CIB1: variants seen among roughly 807,000 people sequenced by gnomAD.
CIB1 encodes the protein calcium and integrin binding 1, also known as calcium and integrin-binding protein 1.
In CIB1, 19 loss-of-function variants were observed where a neutral mutation model predicts 25.0. The observed-to-expected ratio is 0.76, with a 90% CI of 0.53 to 1.12. The LOEUF (loss-of-function observed/expected upper bound fraction) is 1.12. Among genes scored for constraint, CIB1 ranks in the 50% most tolerant of loss-of-function variants. CIB1 has a pLI of 0.00. For synonymous variants in CIB1, 104 were observed against 98.5 expected (o/e 1.06, Z -0.33); for missense variants, 236 against 242.6 (o/e 0.97, Z 0.18).
At chr15:90,250,748 C>G in the CIB1 span, 1 of 1,614,160 alleles carries the variant, frequency 6.2e-7, no homozygotes, top group South Asian at 1.1e-5. Flanking sequence ...ACAGCAGGCT[C>G]TCTTAAAAGC....
At chr15:90,241,775 G>A in the CIB1 span, 2 of 1,614,216 alleles carry the variant, frequency 1.2e-6, no homozygotes, top group Non-Finnish European at 1.7e-6. Context: ...CTCATAACTT[G>A]TTTGTCACCC....
chr15:90,261,380 CTTT>C, the CIB1 span, among the ~76,000 whole-genome samples: 1 of 141,390 alleles, frequency 7.1e-6, no homozygotes. Context: ...TGCCCGGCCA[CTTT>C]TTTTTTTTTT....
chr15:90,265,030 A>C, the CIB1 span: 1 of 1,469,862 alleles, frequency 6.8e-7, no homozygotes, highest in Non-Finnish European at 9.0e-7. Context: ...AGGGCATTAA[A>C]TCTTTGCTAA....
the CIB1 span, chr15:90,262,978 C>G: frequency 4.6e-6 from 7 of 1,535,772 alleles, 1 homozygote; most frequent in South Asian, 7.1e-5. Context: ...GCTGCCGGGA[C>G]AGCTGGACAC....
the CIB1 span, chr15:90,258,272 G>A: frequency 1.9e-6 from 3 of 1,614,020 alleles, no homozygotes; most frequent in South Asian, 1.1e-5. Context: ...TGCTAGAGGT[G>A]AGGATTATCT....
upstream of CIB1, among the ~76,000 whole-genome samples, chr15:90,237,333 A>G (rs1173340037): frequency 2.9e-5 from 4 of 137,134 alleles, no homozygotes; most frequent in South Asian, 2.3e-4. Flanking sequence ...CCAGGCTGGA[A>G]TGCAGTGGCA....
chr15:90,256,411 C>T, the CIB1 span: 1 of 1,328,878 alleles, frequency 7.5e-7, no homozygotes, highest in Non-Finnish European at 1.0e-6. Flanking sequence ...TCCCACTAGC[C>T]CCGTTTTCCT....
the CIB1 span, chr15:90,253,462 G>C: frequency 1.3e-5 from 10 of 794,074 alleles, no homozygotes; most frequent in Non-Finnish European, 2.0e-5. Flanking sequence ...GCTACTCTTT[G>C]TGGCTGTCCC....
the CIB1 span, chr15:90,241,977 G>A: frequency 4.4e-5 from 71 of 1,614,064 alleles, no homozygotes; most frequent in Middle Eastern, 1.6e-4. Flanking sequence ...AGCTGCTGTG[G>A]CCCTCATTCA....
chr15:90,263,668 G>T, the CIB1 span: 3 of 605,368 alleles, frequency 5.0e-6, no homozygotes, highest in East Asian at 5.5e-5. Flanking sequence ...ATTTTTTTCA[G>T]TTACCTCCTT....
rs34604050 is a variant in CIB1, at chr15:90,231,215, TAGAG to T, written c.347-6_347-3del. The T allele has an allele frequency of 0.51, 814,869 of 1,612,950 alleles. 210,224 individuals carry two copies. Among genetic ancestry groups the T allele is most frequent in the East Asian group, 0.78 (34,994 of 44,808 alleles). ...TCAAGGTTCCGTCATCATCAAAGTC[TAGAG>T]AGCAGACACAGGAAGCCAAAAGACA... On this transcript the variant is annotated splice_polypyrimidine_tract_variant and splice_region_variant and intron_variant, in intron 4 of 6. Transcript: ENST00000328649.
Position 90,233,840 on chromosome 15 carries a change from A to T in CIB1, c.46T>A (p.Tyr16Asn). The T allele has an allele frequency of 6.5e-7, 1 of 1,538,658 alleles. No individual in the cohort carries two copies. The highest frequency in any genetic ancestry group is 8.8e-7 in the Non-Finnish European group (1 of 1,141,726). Residue 16 changes from tyrosine to asparagine, a missense_variant, in exon 1 of 7, where the codon TAC (tyrosine) becomes AAC (asparagine). Tyr to Asn is a moderately radical substitution (Grantham distance 143). Coordinates refer to ENST00000328649, the MANE Select transcript of CIB1 (RefSeq NM_006384.4). ...GGGCCAGGCGTCCCGCGCACCTGGT[A>T]CTCGGCCAGCAGCTCCTTGGACAGG... ...SRLSKELLAE[Y>N]QDLTFLTKQE...
the CIB1 span, among the ~76,000 whole-genome samples, chr15:90,246,450 G>A: frequency 2.3e-4 from 35 of 152,150 alleles, no homozygotes; most frequent in African/African-American, 8.4e-4. Context: ...CTGTAATGGG[G>A]AGGATGGATG....
chr15:90,262,920 G>A, the CIB1 span: 2 of 1,518,568 alleles, frequency 1.3e-6, no homozygotes, highest in Admixed American at 4.1e-5. Flanking sequence ...GATGGTTTGG[G>A]ACTTATCCTT....
At chr15:90,248,154 C>G in the CIB1 span, among the ~76,000 whole-genome samples, 1 of 152,224 alleles carries the variant, frequency 6.6e-6, no homozygotes. Context: ...GATCCTCACA[C>G]CTCAGTCTTC....
At chr15:90,240,821 A>AAAT in the CIB1 span, 5,923 of 949,126 alleles carry the variant, frequency 6.2e-3, 199 homozygotes, top group African/African-American at 0.078. Flanking sequence ...CTCAAAAAAA[A>AAAT]AAATAAATAA....
the CIB1 span, among the ~76,000 whole-genome samples, chr15:90,248,146 T>G: frequency 2.0e-5 from 3 of 152,010 alleles, no homozygotes; most frequent in Non-Finnish European, 4.4e-5. Context: ...GCTCAAGAGA[T>G]CCTCACACCT....
At chr15:90,247,216 C>T in the CIB1 span, among the ~76,000 whole-genome samples, 2 of 151,388 alleles carry the variant, frequency 1.3e-5, no homozygotes, top group Non-Finnish European at 2.9e-5. Context: ...CCTCGTGATC[C>T]ACCTGCCTCA....
chr15:90,265,410 GC>G, the CIB1 span: 1 of 1,271,106 alleles, frequency 7.9e-7, no homozygotes, highest in Non-Finnish European at 9.9e-7. Flanking sequence ...GGCCTGGGCA[GC>G]CGCTGGGGCG....
Sources: gnomAD v4.1 joint callset for allele counts (sites outside exome capture counted in the v4.1 genomes callset) on GRCh38, gnomAD v4.1.1 for gene constraint, MANE v1.5 for transcripts, NCBI Gene and HGNC (gene_info 2026-07-23, HGNC 2026-07-21) for gene names.